Variants in LNPK observed in about 807,000 individuals in gnomAD.
LNPK encodes the protein lunapark, ER junction formation factor, also known as endoplasmic reticulum junction formation protein lunapark.
Under a neutral mutation model 55.2 loss-of-function variants are expected in LNPK, and 29 were observed. The observed-to-expected ratio is 0.53, with a 90% CI of 0.39 to 0.72. The LOEUF (loss-of-function observed/expected upper bound fraction) is 0.72. Among genes scored for constraint, LNPK ranks in the 30% least tolerant of loss-of-function variants. The pLI is 0.00. For missense variants in LNPK, 467 were observed against 494.8 expected, an observed-to-expected ratio of 0.94 and a Z score of 0.53; for synonymous variants, 162 against 168.2, an observed-to-expected ratio of 0.96 and a Z score of 0.29.
At chr2:175,980,259 A>C (rs1574882397) in intron 4 of LNPK, among the ~76,000 whole-genome samples, 1 of 152,352 alleles carries the variant, frequency 6.6e-6, no homozygotes, top group East Asian at 1.9e-4. Context: ...CCACACATTA[A>C]GGAAAAATGC....
intron 9 of LNPK, among the ~76,000 whole-genome samples, chr2:175,940,688 T>C (rs1280456315): frequency 1.3e-5 from 2 of 152,048 alleles, no homozygotes; most frequent in Non-Finnish European, 2.9e-5. Context: ...TCAATCAAAA[T>C]TGACCCAGAA....
intron 12 of LNPK, chr2:175,932,310 C>T (rs1684316504): frequency 2.7e-6 from 1 of 368,486 alleles, no homozygotes; most frequent in East Asian, 7.3e-5. Context: ...AGGAGGAGAA[C>T]TACAATACTG....
chr2:175,991,757 C>T (rs891047357), intron 4 of LNPK, among the ~76,000 whole-genome samples: 16 of 152,196 alleles, frequency 1.1e-4, no homozygotes, highest in South Asian at 4.1e-4. Flanking sequence ...AGTCATGATA[C>T]GCCTCCTATA....
At chr2:175,983,465 G>T (rs1031997378) in intron 4 of LNPK, among the ~76,000 whole-genome samples, 4 of 152,032 alleles carry the variant, frequency 2.6e-5, no homozygotes, top group African/African-American at 9.7e-5. Flanking sequence ...CTGACCCAAA[G>T]TAAATGTACC....
At position 175,928,300 on chromosome 2, in the gene LNPK, T is replaced by C. The variant is rs1285361431; in HGVS notation, c.*1667A>G. 2 of 152,132 alleles carry C rather than the reference T, an allele frequency of 1.3e-5. No individual in the cohort carries two copies. The highest frequency in any genetic ancestry group is 2.9e-5 in the Non-Finnish European group (2 of 68,012). The allele number at this position is 152,132 out of a possible 1,614,324, so 9.4% of individuals were successfully genotyped here. ...AACAAATGCCATCGTTTTCAGGTAGTGTGCTAGGCACATTACATTATTTTT... is the reference window on the plus strand; with the variant it reads ...AACAAATGCCATCGTTTTCAGGTAGCGTGCTAGGCACATTACATTATTTTT... On this transcript the variant is annotated 3_prime_UTR_variant, in exon 13 of 13. Coordinates refer to ENST00000272748, the MANE Select transcript of LNPK (RefSeq NM_030650.3).
intron 6 of LNPK, among the ~76,000 whole-genome samples, chr2:175,966,049 C>A (rs956034030): frequency 6.6e-6 from 1 of 152,076 alleles, no homozygotes; most frequent in African/African-American, 2.4e-5. Flanking sequence ...AACTGGGGAA[C>A]TGAATTTGTA....
rs56037027 is a variant in LNPK at position 175,951,584 on chromosome 2, C to CATATATATATATATATATATAT, written c.494-3914_494-3893dup. Among the ~76,000 whole-genome samples the CATATATATATATATATATATAT allele has an allele frequency of 3.7e-3, 337 of 90,428 alleles. 9 individuals are homozygous for CATATATATATATATATATATAT. The highest frequency in any genetic ancestry group is 6.0e-3 in the Admixed American group (53 of 8,854). 59.3% of individuals were successfully genotyped at this position (90,428 alleles called of 152,430 possible). ...TATGGCTGAGTAGTATTCCATCATT[C>CATATATATATATATATATATAT]ATATATATATATATATATATATATA... On this transcript the variant is annotated intron_variant, in intron 8 of 12. Transcript: ENST00000272748.
chr2:175,960,510 A>T (rs1685962416), intron 8 of LNPK, among the ~76,000 whole-genome samples: 1 of 152,226 alleles, frequency 6.6e-6, no homozygotes, highest in Non-Finnish European at 1.5e-5. Context: ...TTTGAAATCA[A>T]TAAGAACAAA....
At chr2:175,997,020 G>A (rs528837220) in intron 1 of LNPK, among the ~76,000 whole-genome samples, 8 of 152,164 alleles carry the variant, frequency 5.3e-5, no homozygotes, top group South Asian at 2.1e-4. Flanking sequence ...AACCATAAAC[G>A]TAAACACAAA....
At chr2:175,979,320 A>T (rs1433518147) in intron 5 of LNPK, among the ~76,000 whole-genome samples, 3 of 152,142 alleles carry the variant, frequency 2.0e-5, no homozygotes, top group Non-Finnish European at 4.4e-5. Flanking sequence ...GCACTTTGGG[A>T]GGCAGAGGCA....
chr2:175,995,586 T>A lies in LNPK; in HGVS notation c.-2A>T. The A allele has an allele frequency of 6.2e-7, 1 of 1,609,634 alleles. No homozygotes were observed. Among genetic ancestry groups the A allele is most frequent in the Non-Finnish European group, 8.5e-7 (1 of 1,176,414 alleles). On this transcript the variant is annotated 5_prime_UTR_variant, in exon 2 of 13. In the 5' UTR this introduces an upstream ATG that the reference lacks. Transcript: ENST00000272748. ...CCATCGAGAAAATAATCCACCCATCTTTTATTTGTAGAAACTGGGCACAAT... is the reference window on the plus strand; with the variant it reads ...CCATCGAGAAAATAATCCACCCATCATTTATTTGTAGAAACTGGGCACAAT...
At chr2:175,943,530 A>C (rs751633006) in intron 9 of LNPK, among the ~76,000 whole-genome samples, 1 of 152,038 alleles carries the variant, frequency 6.6e-6, no homozygotes, top group Non-Finnish European at 1.5e-5. Context: ...AATATTAGCA[A>C]ATCGAAGCCA....
At chr2:175,948,853 C>A (rs1685269947) in intron 8 of LNPK, among the ~76,000 whole-genome samples, 1 of 152,088 alleles carries the variant, frequency 6.6e-6, no homozygotes, top group Admixed American at 6.6e-5. Flanking sequence ...TAGCTAAGAA[C>A]CAGGGCCCTG....
At chr2:175,990,591 G>C (rs781755493) in intron 4 of LNPK, among the ~76,000 whole-genome samples, 6 of 152,054 alleles carry the variant, frequency 3.9e-5, no homozygotes, top group Non-Finnish European at 7.4e-5. Flanking sequence ...CACACAAAAG[G>C]CAAAAACTCA....
At chr2:175,988,543 A>T (rs1473259707) in intron 4 of LNPK, among the ~76,000 whole-genome samples, 1 of 149,560 alleles carries the variant, frequency 6.7e-6, no homozygotes, top group African/African-American at 2.4e-5. Context: ...AAAGCTAAAG[A>T]TGAATTTATA....
intron 8 of LNPK, among the ~76,000 whole-genome samples, chr2:175,959,989 G>C (rs947895333): frequency 6.6e-6 from 1 of 151,966 alleles, no homozygotes; most frequent in African/African-American, 2.4e-5. Context: ...TGGTAAAGGA[G>C]TCAATTCAAC....
intron 6 of LNPK, among the ~76,000 whole-genome samples, chr2:175,970,476 C>T (rs566679988): frequency 1.3e-5 from 2 of 152,130 alleles, no homozygotes; most frequent in East Asian, 3.9e-4. Context: ...ATCTGGTACC[C>T]ACATTTTTAC....
chr2:175,984,992 T>A (rs886608619), intron 4 of LNPK, among the ~76,000 whole-genome samples: 3 of 152,238 alleles, frequency 2.0e-5, no homozygotes, highest in Non-Finnish European at 4.4e-5. Flanking sequence ...TAAACTATGA[T>A]ACATTAATAC....
rs763062320 is a variant in LNPK, at chr2:175,992,395, A to G, written c.93T>C (p.Phe31=). Residue 31 remains phenylalanine (F), a synonymous_variant, in exon 4 of 13, where the codon TTT becomes TTC. Coordinates refer to ENST00000272748, the MANE Select transcript of LNPK (RefSeq NM_030650.3). ...TTTGTAATCTCTGATTTTTTTCCCT[A>G]AATTCTTCCAATGCTTGAATTTCCT... is the stretch of plus-strand genomic sequence containing the variant. ...IDKEIQALEE[F]REKNQRLQKL... 6.0e-6 allele frequency: 9 copies of G among 1,508,746 alleles called. No individual in the cohort carries two copies. The South Asian group carries it at 1.1e-4, about 18-fold the overall frequency. The allele number at this position is 1,508,746 out of a possible 1,614,324, so 93.5% of individuals were successfully genotyped here.
Sources: gnomAD v4.1 joint callset for allele counts (sites outside exome capture counted in the v4.1 genomes callset) on GRCh38, gnomAD v4.1.1 for gene constraint, MANE v1.5 for transcripts, NCBI Gene and HGNC (gene_info 2026-07-23, HGNC 2026-07-21) for gene names.